The following PPWD1 variants were observed in gnomAD, a reference collection of about 807,000 sequenced individuals.
PPWD1 encodes peptidylprolyl isomerase domain and WD repeat containing 1, also known as peptidylprolyl isomerase domain and WD repeat-containing protein 1.
Under a neutral mutation model 68.8 loss-of-function variants are expected in PPWD1, and 43 were observed. That is an observed-to-expected ratio of 0.62 (90% CI 0.49 to 0.81). The LOEUF (loss-of-function observed/expected upper bound fraction) is 0.81. Ranked by LOEUF, PPWD1 falls within the 30% of genes least tolerant of loss-of-function variation. PPWD1 has a pLI of 0.00. For synonymous variants in PPWD1, 232 were observed against 258.7 expected, an observed-to-expected ratio of 0.90 and a Z score of 0.99; for missense variants, 672 against 804.8, an observed-to-expected ratio of 0.83 and a Z score of 2.00.
Position 65,579,669 on chromosome 5 carries a change from TTTTC to T in PPWD1, c.1350+60_1350+63del, listed in dbSNP as rs754791504. On this transcript the variant is annotated intron_variant, in intron 7 of 10. Transcript: ENST00000261308. ...AATGTTCCTTCCAGTTTGGTTTGAC[TTTTC>T]TTTGTTTGTACCTTCAACTGAAGAG... is the stretch of plus-strand genomic sequence containing the variant. The T allele has an allele frequency of 6.3e-5, 81 of 1,280,644 alleles. 2 individuals are homozygous for T. The Middle Eastern group carries it at 3.5e-3, about 56-fold the overall frequency. The allele number at this position is 1,280,644 out of a possible 1,614,324, so 79.3% of individuals were successfully genotyped here. A position where few individuals can be genotyped will look rare whatever the true frequency, so the allele number is the denominator to read the frequency against.
intron 7 of PPWD1, 163 bp from the exon 8 acceptor site, chr5:65,582,875 T>A: frequency 1.1e-6 from 1 of 897,260 alleles, no homozygotes; most frequent in Non-Finnish European, 1.5e-6. Flanking sequence ...AAAAATAATT[T>A]AATTGCCTGA....
chr5:65,569,593 C>T, intron 2 of PPWD1, 39 bp from the exon 3 acceptor site: 1 of 1,517,668 alleles, frequency 6.6e-7, no homozygotes, highest in Non-Finnish European at 9.0e-7. Context: ...ATTCATAGAT[C>T]TGTCTTAGAA....
At position 65,585,844 on chromosome 5, in the gene PPWD1, A is replaced by T. The variant is rs1426098267; in HGVS notation, c.1615-155A>T. On this transcript the variant is annotated intron_variant, in intron 9 of 10. Transcript: ENST00000261308. ...GGTGGTGGTTGGGCAATGGAAATACATCATCCAAATTTAAGTGTTAAGGGT... is the reference window on the plus strand; with the variant it reads ...GGTGGTGGTTGGGCAATGGAAATACTTCATCCAAATTTAAGTGTTAAGGGT... 4 of 835,586 alleles carry T rather than the reference A, an allele frequency of 4.8e-6. No individual in the cohort carries two copies. In the African/African-American group the frequency reaches 8.8e-5, roughly 18 times the overall value. The allele number at this position is 835,586 out of a possible 1,614,324, so 51.8% of individuals were successfully genotyped here.
At chr5:65,576,855 G>A in intron 5 of PPWD1, 24 bp from the exon 6 acceptor site, 1 of 1,608,484 alleles carries the variant, frequency 6.2e-7, no homozygotes, top group South Asian at 1.1e-5. Context: ...TAGAGTTTTT[G>A]TTACTAAATG....
chr5:65,586,682 T>C (rs1472550655), intron 10 of PPWD1, among the ~76,000 whole-genome samples: 1 of 152,172 alleles, frequency 6.6e-6, no homozygotes, highest in Non-Finnish European at 1.5e-5. Context: ...AATTAAGCAC[T>C]AAGTGATGAA....
At chr5:65,567,101 TTTTAAG>T (rs1752810330) in intron 1 of PPWD1, among the ~76,000 whole-genome samples, 1 of 152,212 alleles carries the variant, frequency 6.6e-6, no homozygotes, top group Non-Finnish European at 1.5e-5. Flanking sequence ...CACTGGACTC[TTTTAAG>T]TTAGCACTAA....
At position 65,571,660 on chromosome 5, in the gene PPWD1, G is replaced by T. The variant is rs975749749; in HGVS notation, c.522-179G>T. Reference sequence around the variant, plus strand: ...CATTATACTGATGAGGTCAGAAAGAGAAAAAATAAGTAACTATTCTTAGCT... The same window carrying T: ...CATTATACTGATGAGGTCAGAAAGATAAAAAATAAGTAACTATTCTTAGCT... On this transcript the variant is annotated intron_variant, in intron 4 of 10. Transcript: ENST00000261308. 9.6e-6 allele frequency: 7 copies of T among 730,484 alleles called. No individual in the cohort carries two copies. In the African/African-American group the frequency reaches 1.3e-4, roughly 14 times the overall value. The allele number at this position is 730,484 out of a possible 1,614,324, so 45.3% of individuals were successfully genotyped here.
chr5:65,582,286 C>G (rs1352146599), intron 7 of PPWD1, among the ~76,000 whole-genome samples: 1 of 152,140 alleles, frequency 6.6e-6, no homozygotes, highest in Non-Finnish European at 1.5e-5. Context: ...AGGTTTTTCT[C>G]AATTCTTCCT....
intron 7 of PPWD1, 50 bp from the exon 8 acceptor site, chr5:65,582,988 C>A: frequency 2.1e-6 from 3 of 1,445,942 alleles, no homozygotes; most frequent in Non-Finnish European, 1.8e-6. Flanking sequence ...AAAATTTTTA[C>A]CAGATGAAAA....
chr5:65,563,321 A>G lies in PPWD1; in HGVS notation c.11A>G (p.Glu4Gly), dbSNP rs762373058. Residue 4 changes from glutamate (E) to glycine (G), a missense_variant, in exon 1 of 11, where the codon GAA (glutamate) becomes GGA (glycine). Around this residue, in one of 2 missense-constraint regions of PPWD1, gnomAD observed 188 missense variants for 158.6 expected, o/e 1.19. Transcript: ENST00000261308. Reference sequence around the variant, plus strand: ...GACGATGCGAACAACATGGCGGCGGAAAGTGGTAGCGATTTTCAGCAGAGA... The same window carrying G: ...GACGATGCGAACAACATGGCGGCGGGAAGTGGTAGCGATTTTCAGCAGAGA... MAA[E>G]SGSDFQQRRR... 1.2e-6 allele frequency: 2 copies of G among 1,612,822 alleles called. No homozygotes were observed. Among genetic ancestry groups the G allele is most frequent in the Admixed American group, 3.3e-5 (2 of 59,740 alleles).
intron 5 of PPWD1, among the ~76,000 whole-genome samples, chr5:65,572,592 C>T (rs1404589067): frequency 6.6e-6 from 1 of 152,198 alleles, no homozygotes; most frequent in East Asian, 1.9e-4. Flanking sequence ...GACCCCTTAT[C>T]TTCTCACTCT....
At chr5:65,578,827 T>TA (rs961848236) in intron 6 of PPWD1, among the ~76,000 whole-genome samples, 12 of 148,904 alleles carry the variant, frequency 8.1e-5, no homozygotes, top group South Asian at 2.1e-4. Context: ...TACTTTTTTT[T>TA]AAAAAAAGAG....
chr5:65,565,588 G>A (rs912998216), intron 1 of PPWD1, among the ~76,000 whole-genome samples: 1 of 152,000 alleles, frequency 6.6e-6, no homozygotes, highest in Non-Finnish European at 1.5e-5. Context: ...CAGATCATCA[G>A]GTCAGGAGTT....
chr5:65,577,924 T>G (rs1753379777), intron 6 of PPWD1, among the ~76,000 whole-genome samples: 1 of 152,208 alleles, frequency 6.6e-6, no homozygotes, highest in Admixed American at 6.5e-5. Flanking sequence ...ACCCTTGGTG[T>G]TGTATATTCT....
chr5:65,582,239 A>C (rs1286628336), intron 7 of PPWD1, among the ~76,000 whole-genome samples: 1 of 152,214 alleles, frequency 6.6e-6, no homozygotes, highest in Admixed American at 6.5e-5. Flanking sequence ...TACTTAAAGA[A>C]ACAGGCCTTG....
At chr5:65,574,162 A>G (rs1466878651) in intron 5 of PPWD1, among the ~76,000 whole-genome samples, 1 of 152,222 alleles carries the variant, frequency 6.6e-6, no homozygotes, top group Non-Finnish European at 1.5e-5. Context: ...ACGTGGTAAT[A>G]AATGAGTTGG....
In PPWD1 at chr5:65,563,751, C is replaced by T. The variant is rs1752466260; in HGVS notation, c.196+245C>T. 3 of 1,452,930 alleles carry T rather than the reference C, an allele frequency of 2.1e-6. No individual in the cohort carries two copies. In the Admixed American group the frequency reaches 5.9e-5, roughly 29 times the overall value. 90.0% of individuals were successfully genotyped at this position (1,452,930 alleles called of 1,614,324 possible). A position where few individuals can be genotyped will look rare whatever the true frequency, so the allele number is the denominator to read the frequency against. ...TGATTTGTTATGACAGATGCTAAAA[C>T]TAACATTTTCCTATTCTTATGTGTT... On this transcript the variant is annotated intron_variant, in intron 1 of 10. Transcript: ENST00000261308.
chr5:65,587,459 T>C lies in PPWD1; in HGVS notation c.*63T>C. The C allele has an allele frequency of 7.8e-7, 1 of 1,282,954 alleles. No individual in the cohort carries two copies. Among genetic ancestry groups the C allele is most frequent in the Non-Finnish European group, 1.1e-6 (1 of 944,282 alleles). 79.5% of individuals were successfully genotyped at this position (1,282,954 alleles called of 1,614,324 possible). The stretch of plus-strand genomic sequence containing the variant: ...CAATATTAAACAGATTATTTTACAT[T>C]AGGAAGCTTAGGACTTGCTGAATAT... On this transcript the variant is annotated 3_prime_UTR_variant, in exon 11 of 11. Transcript: ENST00000261308.
rs951955153 is a variant in PPWD1, at chr5:65,563,347, C to T, written c.37C>T (p.Arg13Cys). The change falls in exon 1 of 11, where the codon CGT (arginine) becomes TGT (cysteine). Residue 13 changes from arginine to cysteine, a missense_variant. Physicochemically the swap from Arg to Cys is radical, Grantham distance 180. Transcript: ENST00000261308. ...AAGTGGTAGCGATTTTCAGCAGAGA[C>T]GTAGAAGGCGCCGGGACCCGGAGGA... ...AESGSDFQQR[R>C]RRRRDPEEPE... The T allele has an allele frequency of 5.6e-6, 9 of 1,613,814 alleles. No individual in the cohort carries two copies. The highest frequency in any genetic ancestry group is 6.8e-6 in the Non-Finnish European group (8 of 1,179,968).
Sources: gnomAD v4.1 joint callset for allele counts (sites outside exome capture counted in the v4.1 genomes callset) on GRCh38, gnomAD v4.1.1 for gene constraint, gnomAD v4.1.1 regional missense constraint, MANE v1.5 for transcripts, NCBI Gene and HGNC (gene_info 2026-07-23, HGNC 2026-07-21) for gene names.